The following EIF2S3 variants were observed in gnomAD, a reference collection of about 807,000 sequenced individuals.
EIF2S3 encodes the protein eukaryotic translation initiation factor 2 subunit 3.
Under a neutral mutation model 31.7 loss-of-function variants are expected in EIF2S3, and 2 were observed. The observed-to-expected ratio is 0.06, with a 90% CI of 0.03 to 0.20. The LOEUF (loss-of-function observed/expected upper bound fraction) is 0.20, where lower values mean the gene tolerates loss of function less well. Among genes scored for constraint, EIF2S3 ranks in the 10% least tolerant of loss-of-function variants. EIF2S3 has a pLI of 1.00. For synonymous variants in EIF2S3, 120 were observed against 126.7 expected (o/e 0.95, Z 0.36); for missense variants, 96 against 359.3 (o/e 0.27, Z 5.92).
chrX:24,076,406 T>C (rs1930753554), intron 11 of EIF2S3, among the ~76,000 whole-genome samples: 2 of 111,000 alleles, frequency 1.8e-5, no homozygotes, highest in Non-Finnish European at 3.8e-5. Context: ...TGGTGGCGCA[T>C]GCCTGTAGTC....
Position 24,074,862 on chromosome X carries a change from C to CTTTTTTTTTTTTTTTTTTTT in EIF2S3, c.1355+1601_1355+1620dup, listed in dbSNP as rs758813480. ...GTACTCATCATTTTTTTTTCTTCTT[C>CTTTTTTTTTTTTTTTTTTTT]TTTTTTTTTTTTTTTTTTTTTGAGA... On this transcript the variant is annotated intron_variant, in intron 11 of 11. Coordinates refer to ENST00000253039, the MANE Select transcript of EIF2S3 (RefSeq NM_001415.4). Among the ~76,000 whole-genome samples the CTTTTTTTTTTTTTTTTTTTT allele has an allele frequency of 1.5e-4, 7 of 47,466 alleles. 1 individual carries two copies. The highest frequency in any genetic ancestry group is 2.1e-4 in the Non-Finnish European group (6 of 28,769). The allele number at this position is 47,466 out of a possible 115,157, so 41.2% of individuals were successfully genotyped here. A position where few individuals can be genotyped will look rare whatever the true frequency, so the allele number is the denominator to read the frequency against.
At chrX:24,071,211 G>A (rs1179847160) in intron 9 of EIF2S3, among the ~76,000 whole-genome samples, 20 of 105,421 alleles carry the variant, frequency 1.9e-4, no homozygotes, top group Admixed American at 1.7e-3. Context: ...TTTTTTTGGA[G>A]ACAGAGTCTC....
chrX:24,073,429 A>G (rs1930701814), intron 11 of EIF2S3, 166 bp downstream of exon 11: 1 of 631,363 alleles, frequency 1.6e-6, no homozygotes, highest in Non-Finnish European at 2.3e-6. Flanking sequence ...GCGGTGGCTC[A>G]CGCCTGTAAT....
At chrX:24,060,040 G>A (rs768361455) in intron 4 of EIF2S3, 48 bp from the exon 5 acceptor site, 2 of 970,322 alleles carry the variant, frequency 2.1e-6, no homozygotes, top group African/African-American at 3.8e-5. Flanking sequence ...ACTAGCATGT[G>A]TAAGTAGTGA....
intron 6 of EIF2S3, among the ~76,000 whole-genome samples, chrX:24,063,191 C>T (rs745583760): frequency 1.8e-5 from 2 of 111,883 alleles, no homozygotes; most frequent in African/African-American, 6.5e-5. Flanking sequence ...TGCGGTGAGC[C>T]GAGATCACGC....
intron 9 of EIF2S3, among the ~76,000 whole-genome samples, chrX:24,070,115 C>G (rs1333496906): frequency 9.2e-6 from 1 of 109,062 alleles, no homozygotes; most frequent in Non-Finnish European, 1.9e-5. Context: ...TGTCTGTATT[C>G]CCAGCACTTC....
Position 24,068,446 on chromosome X carries a change from G to A in EIF2S3, c.1012+338G>A, listed in dbSNP as rs191782983. Among the ~76,000 whole-genome samples the A allele has an allele frequency of 9.6e-3, 1,044 of 109,088 alleles. 11 individuals carry two copies. Among genetic ancestry groups the A allele is most frequent in the African/African-American group, 0.033 (984 of 29,609 alleles). The allele number at this position is 109,088 out of a possible 115,157, so 94.7% of individuals were successfully genotyped here. Reference sequence around the variant, plus strand: ...ATGATTTTTGTGCTAGATAATGGTTGCCTTTTTTTTTTTTGGGAGATGGAG... The same window carrying A: ...ATGATTTTTGTGCTAGATAATGGTTACCTTTTTTTTTTTTGGGAGATGGAG... On this transcript the variant is annotated intron_variant, in intron 9 of 11. Coordinates refer to ENST00000253039, the MANE Select transcript of EIF2S3 (RefSeq NM_001415.4).
At chrX:24,070,438 A>AGTT (rs1930649140) in intron 9 of EIF2S3, among the ~76,000 whole-genome samples, 1 of 55,271 alleles carries the variant, frequency 1.8e-5, no homozygotes, top group African/African-American at 8.7e-5. Flanking sequence ...AATCATATGT[A>AGTT]GTTTTTTTTT....
Position 24,054,995 on chromosome X carries a change from T to A in EIF2S3, c.27T>A (p.Thr9=). The A allele has an allele frequency of 2.5e-6, 3 of 1,210,845 alleles. No individual in the cohort carries two copies. Among genetic ancestry groups the A allele is most frequent in the Non-Finnish European group, 3.4e-6 (3 of 895,397 alleles). The change falls in exon 1 of 12, where the codon ACT becomes ACA. Residue 9 remains threonine, a synonymous_variant. Coordinates refer to ENST00000253039, the MANE Select transcript of EIF2S3 (RefSeq NM_001415.4). ...TGGCGGGCGGAGAAGCTGGAGTGACTCTAGGGCAGCCGCATCTTTCGCGTC... is the reference window on the plus strand; with the variant it reads ...TGGCGGGCGGAGAAGCTGGAGTGACACTAGGGCAGCCGCATCTTTCGCGTC... MAGGEAGV[T]LGQPHLSRQD...
Position 24,060,215 on chromosome X carries a change from A to G in EIF2S3, c.478+33A>G, listed in dbSNP as rs762019868. The G allele has an allele frequency of 4.5e-5, 49 of 1,086,182 alleles. No homozygotes were observed. The East Asian group carries it at 9.6e-4, about 21-fold the overall frequency. 89.5% of individuals were successfully genotyped at this position (1,086,182 alleles called of 1,213,427 possible). ...CCTCACAATTGGTTTGGACAAATCA[A>G]TGTGGAACAAATCCAAGATGAAATA... On this transcript the variant is annotated intron_variant, in intron 5 of 11. Transcript: ENST00000253039.
chrX:24,074,115 A>G (rs1393352158), intron 11 of EIF2S3, among the ~76,000 whole-genome samples: 2 of 112,350 alleles, frequency 1.8e-5, no homozygotes, highest in African/African-American at 6.5e-5. Flanking sequence ...CCAATAATGT[A>G]CTTTATGTTC....
At chrX:24,056,932 T>G (rs1031158668) in intron 2 of EIF2S3, among the ~76,000 whole-genome samples, 2 of 112,662 alleles carry the variant, frequency 1.8e-5, no homozygotes, top group Admixed American at 9.5e-5. Flanking sequence ...GAGAACACGT[T>G]TCTAGTAGGA....
intron 4 of EIF2S3, 22 bp downstream of exon 4, chrX:24,057,776 A>G: frequency 2.5e-6 from 3 of 1,187,150 alleles, no homozygotes; most frequent in Non-Finnish European, 3.4e-6. Context: ...TTTGCTACAA[A>G]CACTACACTT....
chrX:24,064,748 G>A (rs1231539111), intron 7 of EIF2S3, among the ~76,000 whole-genome samples: 8 of 111,394 alleles, frequency 7.2e-5, no homozygotes, highest in South Asian at 3.7e-4. Context: ...AGAATGGCGC[G>A]AACCCGGGAA....
intron 6 of EIF2S3, 149 bp downstream of exon 6, chrX:24,062,723 A>G (rs1392572920): frequency 1.9e-6 from 1 of 540,226 alleles, no homozygotes. Flanking sequence ...TTTGCTTGTT[A>G]GTAACCTGAT....
intron 2 of EIF2S3, among the ~76,000 whole-genome samples, chrX:24,057,214 A>G (rs1224328792): frequency 8.9e-6 from 1 of 111,892 alleles, no homozygotes; most frequent in Non-Finnish European, 1.9e-5. Context: ...TATTTTTAGT[A>G]GAGATGGGGT....
At chrX:24,070,270 C>A (rs1192251400) in intron 9 of EIF2S3, among the ~76,000 whole-genome samples, 1 of 103,326 alleles carries the variant, frequency 9.7e-6, no homozygotes, top group East Asian at 3.2e-4. Context: ...CACAGTGAGC[C>A]GAGATCACAC....
intron 9 of EIF2S3, among the ~76,000 whole-genome samples, chrX:24,071,348 G>A (rs1930667616): frequency 9.2e-6 from 1 of 109,260 alleles, no homozygotes. Context: ...ACGCCGCCAC[G>A]CCTGGCTAAT....
intron 5 of EIF2S3, among the ~76,000 whole-genome samples, chrX:24,061,704 A>G (rs1412328555): frequency 3.6e-5 from 4 of 111,693 alleles, no homozygotes; most frequent in African/African-American, 1.3e-4. Context: ...TTATCTTCAC[A>G]ATAGCATTCT....
Sources: allele counts gnomAD v4.1 joint callset (sites outside exome capture counted in the v4.1 genomes callset), GRCh38; gene constraint gnomAD v4.1.1; transcripts MANE v1.5; gene names NCBI Gene and HGNC (gene_info 2026-07-23, HGNC 2026-07-21).